SHOX: variants seen among roughly 807,000 people sequenced by gnomAD.
SHOX encodes the protein SHOX homeobox, also known as short stature homeobox protein.
A neutral mutation model predicts 29.6 loss-of-function variants in SHOX; 12 were observed. The ratio of observed to expected loss-of-function variants is 0.41; its 90% CI spans 0.26 to 0.66. SHOX has a LOEUF of 0.66. Among genes scored for constraint, SHOX ranks in the 30% least tolerant of loss-of-function variants. The pLI, the probability that SHOX is intolerant of heterozygous loss-of-function variation, is 0.35. For synonymous variants in SHOX, 214 were observed against 200.6 expected, an observed-to-expected ratio of 1.07 and a Z score of -0.57; for missense variants, 499 against 437.7, an observed-to-expected ratio of 1.14 and a Z score of -1.25.
chrX:651,997 A>G (rs971557028), downstream of SHOX, among the ~76,000 whole-genome samples: 6 of 151,690 alleles, frequency 4.0e-5, no homozygotes, highest in African/African-American at 1.5e-4. Flanking sequence ...ATCTCGGCTC[A>G]CCGCGACCTC....
At chrX:634,848 C>T (rs1437796794) in intron 2 of SHOX, 22 bp downstream of exon 2, 14 of 1,535,374 alleles carry the variant, frequency 9.1e-6, no homozygotes, top group South Asian at 1.2e-5. Flanking sequence ...GGGGCGGGGG[C>T]GGGGGGCCCG....
chrX:624,713 C>CTTTCTTTCTT (rs2052473616), intron 1 of SHOX: 1 of 139,852 alleles, frequency 7.2e-6, no homozygotes, highest in African/African-American at 2.9e-5. Flanking sequence ...TTCTTTCTTT[C>CTTTCTTTCTT]TTTCTTTCTT....
intron 1 of SHOX, among the ~76,000 whole-genome samples, chrX:632,842 G>A (rs1485900036): frequency 6.6e-6 from 1 of 152,096 alleles, no homozygotes; most frequent in African/African-American, 2.4e-5. Flanking sequence ...CCGCTTGAGG[G>A]CCTGCGTGTA....
intron 3 of SHOX, 58 bp downstream of exon 3, chrX:640,936 G>A (rs1354349711): frequency 2.5e-6 from 4 of 1,613,136 alleles, no homozygotes; most frequent in Non-Finnish European, 3.4e-6. Flanking sequence ...GGAGGGATGG[G>A]GTCGACGAGG....
intron 2 of SHOX, among the ~76,000 whole-genome samples, chrX:635,739 C>T (rs1438525061): frequency 6.6e-6 from 1 of 152,134 alleles, no homozygotes; most frequent in Non-Finnish European, 1.5e-5. Context: ...TTCAGGGGTG[C>T]TGCTGGGAGA....
chrX:651,606 A>C (rs1475087478), downstream of SHOX, among the ~76,000 whole-genome samples: 1 of 150,720 alleles, frequency 6.6e-6, no homozygotes, highest in Non-Finnish European at 1.5e-5. Flanking sequence ...AAAAAAAAAA[A>C]ATTCTCAACC....
intron 2 of SHOX, 132 bp from the exon 3 acceptor site, chrX:640,689 C>A (rs944565323): frequency 2.2e-6 from 2 of 918,538 alleles, no homozygotes; most frequent in Non-Finnish European, 3.6e-6. Flanking sequence ...AGTGTCTGGG[C>A]GCCCACCATC....
At chrX:637,232 T>C (rs2052775466) in intron 2 of SHOX, among the ~76,000 whole-genome samples, 1 of 151,928 alleles carries the variant, frequency 6.6e-6, no homozygotes, top group East Asian at 1.9e-4. Context: ...TGGCAGAAGA[T>C]GGATTGGGCT....
At chrX:630,470 A>G (rs1411192408), upstream of SHOX, 1 of 257,522 alleles carries the variant, frequency 3.9e-6, no homozygotes, top group East Asian at 1.0e-4. Flanking sequence ...CTGCAGGAAA[A>G]CTGGAGTTTG....
Position 648,869 on chromosome X carries a change from C to T in SHOX, c.*4233C>T, listed in dbSNP as rs749940259. 3.0e-4 allele frequency among the ~76,000 whole-genome samples: 43 copies of T among 141,444 alleles called. No homozygotes were observed. The highest frequency in any genetic ancestry group is 7.3e-4 in the African/African-American group (28 of 38,524). 92.8% of individuals were successfully genotyped at this position (141,444 alleles called of 152,430 possible). A position where few individuals can be genotyped will look rare whatever the true frequency, so the allele number is the denominator to read the frequency against. On this transcript the variant is annotated 3_prime_UTR_variant, in exon 5 of 5. Transcript: ENST00000686671. Reference sequence around the variant, plus strand: ...GGCTGTGACCAGTTCTCACCACCAACGCCCTCTTCTCTCTCCCTTCTCCTT... The same window carrying T: ...GGCTGTGACCAGTTCTCACCACCAATGCCCTCTTCTCTCTCCCTTCTCCTT...
In SHOX at chrX:636,831, G is replaced by A. The variant is rs2052767535; in HGVS notation, c.486+2005G>A. Among the ~76,000 whole-genome samples, 3 of 143,824 alleles carry A rather than the reference G, an allele frequency of 2.1e-5. No homozygotes were observed. In the South Asian group the frequency reaches 6.3e-4, roughly 30 times the overall value. The allele number at this position is 143,824 out of a possible 152,430, so 94.4% of individuals were successfully genotyped here. A position where few individuals can be genotyped will look rare whatever the true frequency, so the allele number is the denominator to read the frequency against. ...TGGCCCCTGATTCCCTTCGGTTCCT[G>A]TGGGATGGGTGATTGAGTCAACACA... On this transcript the variant is annotated intron_variant, in intron 2 of 4. Transcript: ENST00000686671.
At position 651,357 on chromosome X, in the gene SHOX, C is replaced by A; in HGVS notation, c.*6721C>A. On this transcript the variant is annotated 3_prime_UTR_variant, in exon 5 of 5. Transcript: ENST00000686671. ...AACCAACAGTCTTCACATTTCTATC[C>A]CTCTGTTATTGTCGGCAGGCGGTGA... 2.2e-6 allele frequency: 1 copy of A among 455,460 alleles called. No homozygotes were observed. Among genetic ancestry groups the A allele is most frequent in the Non-Finnish European group, 4.4e-6 (1 of 226,678 alleles). 28.2% of individuals were successfully genotyped at this position (455,460 alleles called of 1,614,324 possible). A position where few individuals can be genotyped will look rare whatever the true frequency, so the allele number is the denominator to read the frequency against.
At position 630,802 on chromosome X, in the gene SHOX, C is replaced by A; in HGVS notation, c.-96C>A. 6.9e-7 allele frequency: 1 copy of A among 1,455,694 alleles called. No homozygotes were observed. 90.2% of individuals were successfully genotyped at this position (1,455,694 alleles called of 1,614,324 possible). A position where few individuals can be genotyped will look rare whatever the true frequency, so the allele number is the denominator to read the frequency against. ...TCCAATGGAAAGGCGTAAATAACAG[C>A]GCTGGTGATCCACCCGCGCGCACGG... On this transcript the variant is annotated 5_prime_UTR_variant, in exon 1 of 5. Coordinates refer to ENST00000686671, the MANE Select transcript of SHOX (RefSeq NM_000451.4).
rs201207421 is a variant in SHOX at position 634,586 on chromosome X, C to T, written c.278-32C>T. 5.3e-5 allele frequency: 85 copies of T among 1,609,534 alleles called. No homozygotes were observed. In the East Asian group the frequency reaches 1.8e-3, roughly 33 times the overall value. ...GCCACGTTGCGCAAAACCTCCCCGG[C>T]CTCAGCCCTGTGCCCTCCGCTCCCC... On this transcript the variant is annotated intron_variant, in intron 1 of 4. Coordinates refer to ENST00000686671, the MANE Select transcript of SHOX (RefSeq NM_000451.4).
intron 1 of SHOX, among the ~76,000 whole-genome samples, chrX:634,043 G>A (rs1038162646): frequency 6.6e-6 from 1 of 152,244 alleles, no homozygotes; most frequent in Non-Finnish European, 1.5e-5. Flanking sequence ...ACGCGGTTCA[G>A]CCCCCAGGCG....
rs184102811 is a variant in SHOX, at chrX:634,945, G to T, written c.486+119G>T. The T allele has an allele frequency of 2.3e-4, 243 of 1,044,052 alleles. No individual in the cohort carries two copies. The African/African-American group carries it at 2.3e-3, about 10-fold the overall frequency. The allele number at this position is 1,044,052 out of a possible 1,614,324, so 64.7% of individuals were successfully genotyped here. A position where few individuals can be genotyped will look rare whatever the true frequency, so the allele number is the denominator to read the frequency against. ...CGCCGTCCCCTTCCCGGAGCGCGGG[G>T]AGGTTGGGTGAGGGACGGGCTGGGG... is the stretch of plus-strand genomic sequence containing the variant. On this transcript the variant is annotated intron_variant, in intron 2 of 4. Coordinates refer to ENST00000686671, the MANE Select transcript of SHOX (RefSeq NM_000451.4).
rs2053024482 is a variant in SHOX at position 649,699 on chromosome X, G to T, written c.*5063G>T. ...AGAGAGGATTTGGTGTGTGAGATCC[G>T]TACCAGCTCCAGCACACTGATAGGA... is the stretch of plus-strand genomic sequence containing the variant. On this transcript the variant is annotated 3_prime_UTR_variant, in exon 5 of 5. Transcript: ENST00000686671. 1.3e-5 allele frequency among the ~76,000 whole-genome samples: 2 copies of T among 152,100 alleles called. No homozygotes were observed. Among genetic ancestry groups the T allele is most frequent in the Non-Finnish European group, 2.9e-5 (2 of 68,044 alleles).
intron 4 of SHOX, 106 bp from the exon 5 acceptor site, chrX:644,285 C>T (rs1456467177): frequency 7.5e-7 from 1 of 1,338,000 alleles, no homozygotes; most frequent in Non-Finnish European, 9.7e-7. Flanking sequence ...AGGGGCGACG[C>T]TCCCTAGGGG....
rs112408653 is a variant in SHOX, at chrX:649,240, T to C, written c.*4604T>C. Among the ~76,000 whole-genome samples, 10,201 of 152,042 alleles carry C rather than the reference T, an allele frequency of 0.067. 461 individuals are homozygous for C. The highest frequency in any genetic ancestry group is 0.13 in the South Asian group (627 of 4,814). On this transcript the variant is annotated 3_prime_UTR_variant, in exon 5 of 5. Coordinates refer to ENST00000686671, the MANE Select transcript of SHOX (RefSeq NM_000451.4). ...TTTTAGTAGAGACCGGGTTTCGCCA[T>C]GTTGGCCAGGCTGGTCTTGAACTCC...
Sources: gnomAD v4.1 joint callset for allele counts (sites outside exome capture counted in the v4.1 genomes callset) on GRCh38, gnomAD v4.1.1 for gene constraint, MANE v1.5 for transcripts, NCBI Gene and HGNC (gene_info 2026-07-23, HGNC 2026-07-21) for gene names.